SOCS4: variants seen among roughly 807,000 people sequenced by gnomAD.
SOCS4 encodes the protein suppressor of cytokine signaling 4, also known as SH2 domain containing SOCS box protein.
A neutral mutation model predicts 34.1 loss-of-function variants in SOCS4; 20 were observed. The observed-to-expected ratio is 0.59, with a 90% confidence interval of 0.41 to 0.85. The LOEUF is 0.85. Ranked by LOEUF, SOCS4 falls within the 40% of genes least tolerant of loss-of-function variation. The pLI is 0.00. For synonymous variants in SOCS4, 180 were observed against 186.4 expected (o/e 0.97, Z 0.28); for missense variants, 479 against 532.4 (o/e 0.90, Z 0.99).
At chr14:55,039,395 A>T (rs1566755106) in intron 2 of SOCS4, among the ~76,000 whole-genome samples, 1 of 152,048 alleles carries the variant, frequency 6.6e-6, no homozygotes, top group Admixed American at 6.5e-5. Context: ...CCATGATTGC[A>T]CCACTGCACT....
chr14:55,043,487 GA>G lies in SOCS4; in HGVS notation c.447del (p.His150ThrfsTer5). On this transcript the variant is annotated frameshift_variant, in exon 3 of 3. Coordinates refer to ENST00000555846, the MANE Select transcript of SOCS4 (RefSeq NM_199421.2). LOFTEE classifies it high-confidence loss of function. ...DLAFRWHFIKRHTAPINSKSD... is the reference protein window; with the variant it reads ...DLAFRWHFIKXHTAPINSKSD... Reference sequence around the variant, plus strand: ...GCCTTTAGGTGGCATTTTATTAAACGACACACTGCTCCTATAAATTCCAAAT... The same window carrying G: ...GCCTTTAGGTGGCATTTTATTAAACGCACACTGCTCCTATAAATTCCAAAT... 6.2e-7 allele frequency: 1 copy of G among 1,614,112 alleles called. No homozygotes were observed. The highest frequency in any genetic ancestry group is 8.5e-7 in the Non-Finnish European group (1 of 1,180,024).
chr14:55,040,662 T>C (rs1045915959), intron 2 of SOCS4, among the ~76,000 whole-genome samples: 51 of 152,006 alleles, frequency 3.4e-4, no homozygotes, highest in African/African-American at 1.1e-3. Context: ...GAGAATGGCA[T>C]GTACCCGGGA....
At position 55,047,956 on chromosome 14, in the gene SOCS4, TGTC is replaced by T. The variant is rs769806733; in HGVS notation, c.*3593_*3595del. On this transcript the variant is annotated 3_prime_UTR_variant, in exon 3 of 3. Coordinates refer to ENST00000555846, the MANE Select transcript of SOCS4 (RefSeq NM_199421.2). ...TTTTTTTGAGACAGAGTCTCGCTGT[TGTC>T]AGCCCAGGCTGGAGTGCAATGGCGC... 4.2e-5 allele frequency: 7 copies of T among 167,096 alleles called. No homozygotes were observed. The East Asian group carries it at 7.7e-4, about 18-fold the overall frequency. The allele number at this position is 167,096 out of a possible 1,614,324, so 10.4% of individuals were successfully genotyped here. A position where few individuals can be genotyped will look rare whatever the true frequency, so the allele number is the denominator to read the frequency against.
Position 55,048,695 on chromosome 14 carries a change from G to T in SOCS4, c.*4331G>T, listed in dbSNP as rs941218608. 1 of 166,926 alleles carries T rather than the reference G, an allele frequency of 6.0e-6. No individual in the cohort carries two copies. The highest frequency in any genetic ancestry group is 2.4e-5 in the African/African-American group (1 of 41,392). 10.3% of individuals were successfully genotyped at this position (166,926 alleles called of 1,614,324 possible). A position where few individuals can be genotyped will look rare whatever the true frequency, so the allele number is the denominator to read the frequency against. On this transcript the variant is annotated 3_prime_UTR_variant, in exon 3 of 3. Transcript: ENST00000555846. ...TTAATGGATATAACCCAATAGAAAG[G>T]GATTTTCAAATAAAACCAAAGTCTA...
rs1190727926 is a variant in SOCS4, at chr14:55,046,067, C to G, written c.*1703C>G. ...TCAGTGATCTCAAGATTGTCTTAGT[C>G]TCAATGAGATGTAGCTACAAAAATG... On this transcript the variant is annotated 3_prime_UTR_variant, in exon 3 of 3. Coordinates refer to ENST00000555846, the MANE Select transcript of SOCS4 (RefSeq NM_199421.2). 1 of 165,750 alleles carries G rather than the reference C, an allele frequency of 6.0e-6. No individual in the cohort carries two copies. The highest frequency in any genetic ancestry group is 1.5e-5 in the Non-Finnish European group (1 of 67,948). The allele number at this position is 165,750 out of a possible 1,614,324, so 10.3% of individuals were successfully genotyped here. A position where few individuals can be genotyped will look rare whatever the true frequency, so the allele number is the denominator to read the frequency against.
chr14:55,040,466 C>T (rs940294814), intron 2 of SOCS4, among the ~76,000 whole-genome samples: 4 of 152,100 alleles, frequency 2.6e-5, no homozygotes, highest in African/African-American at 7.2e-5. Context: ...TATTATAGGC[C>T]GGGCGCACTG....
chr14:55,044,091 T>C lies in SOCS4; in HGVS notation c.1050T>C (p.Cys350=). ...HNFSFDAHDP[C]VFHSPDITGL... ...TTAGCTTTGATGCACATGACCCCTG[T>C]GTCTTCCATTCTCCTGACATTACTG... is the stretch of plus-strand genomic sequence containing the variant. Residue 350 remains cysteine (C), a synonymous_variant, in exon 3 of 3, where the codon TGT becomes TGC. Transcript: ENST00000555846. The C allele has an allele frequency of 6.2e-7, 1 of 1,614,186 alleles. No individual in the cohort carries two copies. Among genetic ancestry groups the C allele is most frequent in the Non-Finnish European group, 8.5e-7 (1 of 1,180,008 alleles).
chr14:55,034,709 G>A (rs1459284271), intron 2 of SOCS4, among the ~76,000 whole-genome samples: 1 of 151,868 alleles, frequency 6.6e-6, no homozygotes, highest in African/African-American at 2.4e-5. Flanking sequence ...GGTGGCAGGT[G>A]CCTGTAATCC....
intron 2 of SOCS4, among the ~76,000 whole-genome samples, chr14:55,037,540 C>T (rs909437587): frequency 2.6e-5 from 4 of 151,818 alleles, no homozygotes; most frequent in Non-Finnish European, 4.4e-5. Flanking sequence ...GTCACCCAGG[C>T]TGGAGTGCAG....
In SOCS4 at chr14:55,040,037, A is replaced by G. The variant is rs559783550; in HGVS notation, c.-90-2915A>G. On this transcript the variant is annotated intron_variant, in intron 2 of 2. Transcript: ENST00000555846. The stretch of plus-strand genomic sequence containing the variant: ...AAGTGAAGTTCATTTAGTAAATAAA[A>G]GCGCCAAGCATTTCAAACCTTATTA... 8.1e-4 allele frequency among the ~76,000 whole-genome samples: 124 copies of G among 152,378 alleles called. 1 individual carries two copies. Among genetic ancestry groups the G allele is most frequent in the South Asian group, 1.2e-3 (6 of 4,826 alleles).
At position 55,030,124 on chromosome 14, in the gene SOCS4, A is replaced by AT. The variant is rs547556475; in HGVS notation, c.-219-1737dup. 8.3e-3 allele frequency among the ~76,000 whole-genome samples: 1,260 copies of AT among 152,298 alleles called. 21 individuals are homozygous for AT. Among genetic ancestry groups the AT allele is most frequent in the African/African-American group, 0.029 (1,214 of 41,566 alleles). ...TAGTCCAAGGTAGTCTACCGCACTGATTCTCCAAATCATAGCTGTTGCCAC... is the reference window on the plus strand; with the variant it reads ...TAGTCCAAGGTAGTCTACCGCACTGATTTCTCCAAATCATAGCTGTTGCCAC... On this transcript the variant is annotated intron_variant, in intron 1 of 2. Coordinates refer to ENST00000555846, the MANE Select transcript of SOCS4 (RefSeq NM_199421.2).
At chr14:55,039,665 G>A (rs903338859) in intron 2 of SOCS4, among the ~76,000 whole-genome samples, 4 of 152,188 alleles carry the variant, frequency 2.6e-5, no homozygotes, top group Non-Finnish European at 5.9e-5. Context: ...AGGCCGAGGT[G>A]GGCGGACCAC....
intron 2 of SOCS4, among the ~76,000 whole-genome samples, chr14:55,037,121 A>T (rs377153564): frequency 2.2e-4 from 32 of 145,444 alleles, no homozygotes; most frequent in East Asian, 9.9e-4. Context: ...CTTTCTCAAT[A>T]AAAAAAAAAA....
rs1158937049 is a variant in SOCS4 at position 55,046,168 on chromosome 14, G to A, written c.*1804G>A. The A allele has an allele frequency of 6.0e-6, 1 of 166,616 alleles. No homozygotes were observed. The highest frequency in any genetic ancestry group is 1.5e-5 in the Non-Finnish European group (1 of 67,974). 10.3% of individuals were successfully genotyped at this position (166,616 alleles called of 1,614,324 possible). ...TGTCAGGATAAATATCTCTTCTAAAGACGATATTTACCTTTTACAAGGTTA... is the reference window on the plus strand; with the variant it reads ...TGTCAGGATAAATATCTCTTCTAAAAACGATATTTACCTTTTACAAGGTTA... On this transcript the variant is annotated 3_prime_UTR_variant, in exon 3 of 3. Coordinates refer to ENST00000555846, the MANE Select transcript of SOCS4 (RefSeq NM_199421.2).
intron 2 of SOCS4, among the ~76,000 whole-genome samples, chr14:55,037,764 G>T (rs2042586070): frequency 6.6e-6 from 1 of 152,180 alleles, no homozygotes; most frequent in African/African-American, 2.4e-5. Flanking sequence ...AAAGTGCTGG[G>T]ATTACAGGCA....
At chr14:55,032,096 T>C (rs2042533817) in intron 2 of SOCS4, 105 bp downstream of exon 2, 1 of 152,242 alleles carries the variant, frequency 6.6e-6, no homozygotes, top group African/African-American at 2.4e-5. Context: ...TGAATTATTC[T>C]TTATAGGATC....
At chr14:55,034,656 A>AC (rs1181819900) in intron 2 of SOCS4, among the ~76,000 whole-genome samples, 4 of 151,716 alleles carry the variant, frequency 2.6e-5, no homozygotes, top group Non-Finnish European at 4.4e-5. Context: ...AGATGGTGAA[A>AC]CCCCGTCTCT....
Position 55,043,714 on chromosome 14 carries a change from G to A in SOCS4, c.673G>A (p.Asp225Asn), listed in dbSNP as rs1343590966. The A allele has an allele frequency of 1.9e-6, 3 of 1,614,138 alleles. No individual in the cohort carries two copies. The highest frequency in any genetic ancestry group is 1.7e-5 in the Admixed American group (1 of 60,020). The change falls in exon 3 of 3, where the codon GAT becomes AAT. Residue 225 changes from aspartate (D) to asparagine (N), a missense_variant. Transcript: ENST00000555846. ...CCTGGTTTCAAATAACAGTATAGAAGATAGTGATATGGATTCCGATGATGA... is the reference window on the plus strand; with the variant it reads ...CCTGGTTTCAAATAACAGTATAGAAAATAGTGATATGGATTCCGATGATGA... ...MNLVSNNSIE[D>N]SDMDSDDEIL...
At chr14:55,041,736 G>A (rs1035870395) in intron 2 of SOCS4, among the ~76,000 whole-genome samples, 5 of 144,882 alleles carry the variant, frequency 3.5e-5, no homozygotes, top group African/African-American at 5.1e-5. Flanking sequence ...GCCTCCCAAC[G>A]AGCTGGGATT....
Sources: gnomAD v4.1 joint callset for allele counts (sites outside exome capture counted in the v4.1 genomes callset) on GRCh38, gnomAD v4.1.1 for gene constraint, MANE v1.5 for transcripts, NCBI Gene and HGNC (gene_info 2026-07-23, HGNC 2026-07-21) for gene names.